Variants in AKT3 observed in about 807,000 individuals in gnomAD.
The protein encoded by AKT3 is AKT serine/threonine kinase 3.
AKT3 carries 15 observed loss-of-function variants against 65.3 expected under a neutral mutation model. That is an observed-to-expected ratio of 0.23 (90% CI 0.15 to 0.35). AKT3 has a LOEUF of 0.35. Ranked by LOEUF, AKT3 falls within the 10% of genes least tolerant of loss-of-function variation. The pLI is 1.00. For synonymous variants in AKT3, 206 were observed against 183.8 expected, an observed-to-expected ratio of 1.12 and a Z score of -0.98; for missense variants, 243 against 576.5, an observed-to-expected ratio of 0.42 and a Z score of 5.92.
chr1:243,678,376 T>G (rs1431887447), intron 3 of AKT3, among the ~76,000 whole-genome samples: 1 of 152,128 alleles, frequency 6.6e-6, no homozygotes, highest in African/African-American at 2.4e-5. Flanking sequence ...GCAAGCTATA[T>G]GAAGTAAAGT....
intron 2 of AKT3, among the ~76,000 whole-genome samples, chr1:243,738,117 T>C (rs776878417): frequency 2.6e-5 from 4 of 152,210 alleles, no homozygotes; most frequent in Non-Finnish European, 5.9e-5. Flanking sequence ...CACATTTGCA[T>C]CCTAATAGTT....
chr1:243,720,191 C>T (rs761589865), intron 2 of AKT3, among the ~76,000 whole-genome samples: 11 of 151,898 alleles, frequency 7.2e-5, no homozygotes, highest in Admixed American at 1.3e-4. Flanking sequence ...CCCAGCAACT[C>T]GGGAGGCTGA....
At chr1:243,742,584 C>T (rs1225960412) in intron 2 of AKT3, among the ~76,000 whole-genome samples, 3 of 152,146 alleles carry the variant, frequency 2.0e-5, no homozygotes, top group African/African-American at 7.2e-5. Flanking sequence ...GAGACGGCAC[C>T]ACTGCACTCC....
At chr1:243,697,209 C>G (rs944803659) in intron 2 of AKT3, among the ~76,000 whole-genome samples, 21 of 151,840 alleles carry the variant, frequency 1.4e-4, no homozygotes, top group African/African-American at 4.8e-4. Context: ...TAAAAAATAA[C>G]TATTTTCTTT....
Position 243,545,502 on chromosome 1 carries a change from A to AATCTTACCTTTTTATCATATAC in AKT3, c.1237_1251+7dup. 1 of 1,577,460 alleles carries AATCTTACCTTTTTATCATATAC rather than the reference A, an allele frequency of 6.3e-7. No individual in the cohort carries two copies. The highest frequency in any genetic ancestry group is 8.7e-7 in the Non-Finnish European group (1 of 1,148,668). ...ATATATACACACTATGCCATAAAGA[A>AATCTTACCTTTTTATCATATAC]ATCTTACCTTTTTATCATATACATC... is the stretch of plus-strand genomic sequence containing the variant. On this transcript the variant is annotated splice_region_variant and intron_variant, in intron 12 of 13. Transcript: ENST00000673466.
intron 8 of AKT3, among the ~76,000 whole-genome samples, chr1:243,604,083 C>G (rs752521013): frequency 6.6e-6 from 1 of 151,802 alleles, no homozygotes; most frequent in East Asian, 1.9e-4. Flanking sequence ...TTAGTACAGA[C>G]GGGGTTTCTC....
chr1:243,528,806 A>G (rs1358344290), intron 12 of AKT3, among the ~76,000 whole-genome samples: 1 of 152,220 alleles, frequency 6.6e-6, no homozygotes, highest in Non-Finnish European at 1.5e-5. Context: ...TCTTTATGGC[A>G]GAAGAATTTA....
At chr1:243,665,310 C>A (rs1207403589) in intron 3 of AKT3, among the ~76,000 whole-genome samples, 1 of 152,130 alleles carries the variant, frequency 6.6e-6, no homozygotes, top group East Asian at 1.9e-4. Context: ...ACCATTTCAT[C>A]CTCTCTATTC....
intron 12 of AKT3, among the ~76,000 whole-genome samples, chr1:243,532,840 C>G (rs1238256799): frequency 2.0e-5 from 3 of 152,062 alleles, no homozygotes; most frequent in Non-Finnish European, 4.4e-5. Flanking sequence ...GTTACGGGGT[C>G]TATTTGGATT....
chr1:243,662,734 T>C (rs545763332), intron 4 of AKT3, among the ~76,000 whole-genome samples: 4 of 151,226 alleles, frequency 2.6e-5, no homozygotes, highest in Non-Finnish European at 5.9e-5. Context: ...AATAAAAATT[T>C]AGAAAAAAAA....
intron 2 of AKT3, among the ~76,000 whole-genome samples, chr1:243,807,877 A>G (rs1222404636): frequency 2.6e-5 from 4 of 152,180 alleles, no homozygotes; most frequent in Non-Finnish European, 4.4e-5. Context: ...CTGTTCACCA[A>G]TATTTGCTGT....
At chr1:243,640,892 G>C (rs1680332968) in intron 5 of AKT3, among the ~76,000 whole-genome samples, 1 of 152,122 alleles carries the variant, frequency 6.6e-6, no homozygotes, top group African/African-American at 2.4e-5. Flanking sequence ...TGATTGTATT[G>C]AAAGATGCAA....
chr1:243,848,795 G>C (rs1011392879), intron 1 of AKT3, among the ~76,000 whole-genome samples: 3 of 152,174 alleles, frequency 2.0e-5, no homozygotes, highest in African/African-American at 7.2e-5. Flanking sequence ...ACCCAATATA[G>C]ATGCATAGGT....
chr1:243,781,395 T>G (rs1407949027), intron 2 of AKT3, among the ~76,000 whole-genome samples: 1 of 152,164 alleles, frequency 6.6e-6, no homozygotes, highest in Non-Finnish European at 1.5e-5. Context: ...ACTTCACATT[T>G]TCCTCCTCTT....
Position 243,664,851 on chromosome 1 carries a change from G to T in AKT3, c.205C>A (p.Pro69Thr). 3 of 1,586,412 alleles carry T rather than the reference G, an allele frequency of 1.9e-6. No individual in the cohort carries two copies. Among genetic ancestry groups the T allele is most frequent in the Non-Finnish European group, 2.6e-6 (3 of 1,167,662 alleles). ...AGACATCTGATTATAAATGTGTTTGGCTTTGGTCGTTCTGTTTTCATTAAC... is the reference window on the plus strand; with the variant it reads ...AGACATCTGATTATAAATGTGTTTGTCTTTGGTCGTTCTGTTTTCATTAAC... ...CQLMKTERPKPNTFIIRCLQW... is the reference protein window; with the variant it reads ...CQLMKTERPKTNTFIIRCLQW... Residue 69 changes from proline to threonine, a missense_variant, in exon 4 of 14, where the codon CCA (proline) becomes ACA (threonine). By Grantham distance (38) the Pro-to-Thr change is conservative. This residue lies in a region of AKT3 where 29 missense variants were observed against 91.3 expected (regional missense o/e 0.32). Coordinates refer to ENST00000673466, the MANE Select transcript of AKT3 (RefSeq NM_005465.7).
At chr1:243,824,419 TTAAAC>T in intron 2 of AKT3, among the ~76,000 whole-genome samples, 1 of 152,102 alleles carries the variant, frequency 6.6e-6, no homozygotes, top group East Asian at 1.9e-4. Context: ...TGGGATCTAA[TTAAAC>T]TAAAGAGCTT....
chr1:243,737,841 T>G (rs566546797), intron 2 of AKT3, among the ~76,000 whole-genome samples: 1 of 152,190 alleles, frequency 6.6e-6, no homozygotes, highest in African/African-American at 2.4e-5. Context: ...AAATCACATA[T>G]AAAATTGATC....
chr1:243,522,724 C>T (rs965140559), intron 12 of AKT3, among the ~76,000 whole-genome samples: 2 of 152,112 alleles, frequency 1.3e-5, no homozygotes, highest in Admixed American at 1.3e-4. Context: ...GATACACACA[C>T]ATACACAGAA....
chr1:243,663,366 T>C (rs980683258), intron 4 of AKT3, among the ~76,000 whole-genome samples: 1 of 150,762 alleles, frequency 6.6e-6, no homozygotes, highest in African/African-American at 2.4e-5. Context: ...GGATTATGGG[T>C]GGACATATCA....
Sources: gnomAD v4.1 joint callset for allele counts (sites outside exome capture counted in the v4.1 genomes callset) on GRCh38, gnomAD v4.1.1 for gene constraint, gnomAD v4.1.1 regional missense constraint, MANE v1.5 for transcripts, NCBI Gene and HGNC (gene_info 2026-07-23, HGNC 2026-07-21) for gene names.